Variants in COL12A1 observed in about 807,000 individuals in gnomAD.
COL12A1 encodes the protein collagen alpha-1(XII) chain.
In COL12A1, 114 loss-of-function variants were observed where a neutral mutation model predicts 349.7. That is an observed-to-expected ratio of 0.33 (90% CI 0.28 to 0.38). COL12A1 has a LOEUF of 0.38. Ranked by LOEUF, COL12A1 falls within the 10% of genes least tolerant of loss-of-function variation. The pLI, the probability that COL12A1 is intolerant of heterozygous loss-of-function variation, is 1.00. For missense variants in COL12A1, 3,284 were observed against 3,756.9 expected, an observed-to-expected ratio of 0.87 and a Z score of 3.29; for synonymous variants, 1,369 against 1,329.0, an observed-to-expected ratio of 1.03 and a Z score of -0.66.
At chr6:75,100,923 G>C (rs1249721680) in intron 58 of COL12A1, among the ~76,000 whole-genome samples, 4 of 152,078 alleles carry the variant, frequency 2.6e-5, no homozygotes, top group Non-Finnish European at 5.9e-5. Context: ...AAAATTTCTG[G>C]GTTCTTTTTA....
intron 49 of COL12A1, among the ~76,000 whole-genome samples, chr6:75,114,146 G>T (rs1473599691): frequency 6.6e-6 from 1 of 151,694 alleles, no homozygotes; most frequent in Non-Finnish European, 1.5e-5. Flanking sequence ...ATCATTTAAA[G>T]AGAATGAATC....
chr6:75,128,341 A>C lies in COL12A1; in HGVS notation c.6295T>G (p.Tyr2099Asp), dbSNP rs1366474005. Reference protein sequence around the residue: ...TPYKITVIAVYEDGDGGHLTG... With the variant: ...TPYKITVIAVDEDGDGGHLTG... ...AGATGGCCACCATCTCCATCTTCAT[A>C]AACAGCAATAACAGTAATTTTATAT... Residue 2099 changes from tyrosine to aspartate, a missense_variant, in exon 38 of 66, where the codon TAT becomes GAT. By Grantham distance (160) the Tyr-to-Asp change is radical (BLOSUM62 -3). Around this residue, in one of 2 missense-constraint regions of COL12A1, gnomAD observed 2,601 missense variants for 2,824.8 expected, o/e 0.92. Transcript: ENST00000322507. 3 of 1,608,004 alleles carry C rather than the reference A, an allele frequency of 1.9e-6. No individual in the cohort carries two copies. The East Asian group carries it at 6.7e-5, about 36-fold the overall frequency.
intron 34 of COL12A1, 62 bp downstream of exon 34, chr6:75,133,231 G>A: frequency 7.0e-7 from 1 of 1,425,766 alleles, no homozygotes; most frequent in Non-Finnish European, 9.3e-7. Context: ...GGGCCTTTAT[G>A]GTCTTTATAA....
intron 59 of COL12A1, among the ~76,000 whole-genome samples, chr6:75,096,088 CCT>C (rs1370014204): frequency 6.6e-6 from 1 of 152,136 alleles, no homozygotes; most frequent in Non-Finnish European, 1.5e-5. Flanking sequence ...AGATTTTCTC[CCT>C]GTTGCTTTTA....
chr6:75,126,367 T>G lies in COL12A1; in HGVS notation c.6444A>C (p.Ile2148=), dbSNP rs36002196. ...PSPSPVLGYK[I]VYKPVGSNEP... ...CTTCCTTACCCACTGGCTTATATAC[T>G]ATTTTATATCCAAGAACTGGAGAAG... Residue 2148 remains isoleucine, a synonymous_variant, in exon 39 of 66, where the codon ATA becomes ATC. Coordinates refer to ENST00000322507, the MANE Select transcript of COL12A1 (RefSeq NM_004370.6). 2.5e-6 allele frequency: 4 copies of G among 1,610,306 alleles called. No individual in the cohort carries two copies. Among genetic ancestry groups the G allele is most frequent in the Admixed American group, 1.7e-5 (1 of 59,938 alleles).
At chr6:75,104,840 G>T (rs1768469690) in intron 54 of COL12A1, among the ~76,000 whole-genome samples, 1 of 152,170 alleles carries the variant, frequency 6.6e-6, no homozygotes, top group Non-Finnish European at 1.5e-5. Context: ...TCTTGGGTCA[G>T]CCTCTCAGCT....
Position 75,085,752 on chromosome 6 carries a change from T to G in COL12A1, c.*795A>C, listed in dbSNP as rs1767457747. The G allele has an allele frequency of 4.7e-6, 1 of 212,274 alleles. No homozygotes were observed. Among genetic ancestry groups the G allele is most frequent in the Admixed American group, 5.2e-5 (1 of 19,400 alleles). The allele number at this position is 212,274 out of a possible 1,614,324, so 13.1% of individuals were successfully genotyped here. ...GAAAGATGAGGAGGTGAGGGGAAGT[T>G]TCATTGGCTCCTAGAAACTGAACTC... On this transcript the variant is annotated 3_prime_UTR_variant, in exon 66 of 66. Coordinates refer to ENST00000322507, the MANE Select transcript of COL12A1 (RefSeq NM_004370.6).
At chr6:75,154,569 A>G in intron 16 of COL12A1, 32 bp from the exon 17 acceptor site, 1 of 1,570,768 alleles carries the variant, frequency 6.4e-7, no homozygotes, top group Non-Finnish European at 8.6e-7. Flanking sequence ...ATAGCCTGTG[A>G]GAACCATAGG....
chr6:75,192,475 G>A, intron 3 of COL12A1, 120 bp from the exon 4 acceptor site: 1 of 861,342 alleles, frequency 1.2e-6, no homozygotes, highest in African/African-American at 1.8e-5. Context: ...ATTTTTTCAG[G>A]ACACTCAAAC....
chr6:75,133,903 C>T lies in COL12A1; in HGVS notation c.5619G>A (p.Gln1873=), dbSNP rs781347611. The T allele has an allele frequency of 2.5e-6, 4 of 1,614,096 alleles. No homozygotes were observed. The South Asian group carries it at 3.3e-5, about 13-fold the overall frequency. Residue 1873 remains glutamine, a synonymous_variant, in exon 33 of 66, where the codon CAG becomes CAA. Coordinates refer to ENST00000322507, the MANE Select transcript of COL12A1 (RefSeq NM_004370.6). ...CTGCTGGTGCATAGAAGAGCTTGTA[C>T]TGACGAGGATTTCCCTCTGCATGGT... The part of the protein sequence containing the change: ...RWDHAEGNPR[Q]YKLFYAPAAG...
chr6:75,099,978 C>G (rs1292509240), intron 58 of COL12A1, among the ~76,000 whole-genome samples: 4 of 152,188 alleles, frequency 2.6e-5, no homozygotes, highest in Admixed American at 2.0e-4. Context: ...TACTCAAAGT[C>G]TCTCTAATGT....
intron 22 of COL12A1, 47 bp downstream of exon 22, chr6:75,148,311 C>T (rs1003376302): frequency 3.8e-6 from 6 of 1,579,560 alleles, no homozygotes; most frequent in Non-Finnish European, 5.2e-6. Flanking sequence ...TGAGGAGGAC[C>T]CAATCTCAAC....
rs1463102517 is a variant in COL12A1, at chr6:75,138,981, G to T, written c.4958-20C>A. The T allele has an allele frequency of 6.2e-7, 1 of 1,612,042 alleles. No individual in the cohort carries two copies. The highest frequency in any genetic ancestry group is 1.7e-5 in the Admixed American group (1 of 59,578). On this transcript the variant is annotated intron_variant, in intron 27 of 65. Coordinates refer to ENST00000322507, the MANE Select transcript of COL12A1 (RefSeq NM_004370.6). ...CGGGTCCTATCATGAGAAAAGGCAA[G>T]CAGACTAAGTTTTTGAATGTGAGCT...
At chr6:75,168,088 T>G (rs987399393) in intron 13 of COL12A1, among the ~76,000 whole-genome samples, 2 of 152,046 alleles carry the variant, frequency 1.3e-5, no homozygotes, top group South Asian at 2.1e-4. Context: ...CAACATAGAC[T>G]CCAAAGAAAG....
rs1767704859 is a variant in COL12A1 at position 75,090,423 on chromosome 6, C to T, written c.8753-125G>A. ...TCTGCAACCCCTCTAAGGAAACAAT[C>T]TAATTAGAATCCTAAAAATAAAATT... On this transcript the variant is annotated intron_variant, in intron 62 of 65. Transcript: ENST00000322507. The surrounding 1 kb of genome is among the most constrained non-coding windows in gnomAD (Gnocchi z 4.1). 2.3e-6 allele frequency: 2 copies of T among 880,862 alleles called. No individual in the cohort carries two copies. Among genetic ancestry groups the T allele is most frequent in the East Asian group, 2.6e-5 (1 of 38,374 alleles). The allele number at this position is 880,862 out of a possible 1,614,324, so 54.6% of individuals were successfully genotyped here.
chr6:75,183,791 T>C, intron 9 of COL12A1, 63 bp downstream of exon 9: 1 of 1,581,166 alleles, frequency 6.3e-7, no homozygotes, highest in South Asian at 1.2e-5. Context: ...TCCAAACAAG[T>C]AAGGCATTCT....
chr6:75,148,886 A>G (rs993844256), intron 21 of COL12A1, among the ~76,000 whole-genome samples: 1 of 152,174 alleles, frequency 6.6e-6, no homozygotes, highest in Non-Finnish European at 1.5e-5. Flanking sequence ...AGGGACCCAC[A>G]GGGAGATAAT....
At position 75,151,129 on chromosome 6, in the gene COL12A1, G is replaced by A. The variant is rs1767459438; in HGVS notation, c.4147+12C>T. 2 of 1,564,498 alleles carry A rather than the reference G, an allele frequency of 1.3e-6. No homozygotes were observed. The highest frequency in any genetic ancestry group is 1.7e-4 in the Middle Eastern group (1 of 5,880). ...GCAGTGCTGAGGGAGAGAAACTCTG[G>A]GTTAAACTTACCTGGACCTTTGACA... is the stretch of plus-strand genomic sequence containing the variant. On this transcript the variant is annotated intron_variant, in intron 21 of 65. Transcript: ENST00000322507.
At chr6:75,142,539 C>T (rs916760967) in intron 26 of COL12A1, among the ~76,000 whole-genome samples, 6 of 152,172 alleles carry the variant, frequency 3.9e-5, no homozygotes, top group Non-Finnish European at 8.8e-5. Flanking sequence ...GGCCATTGTA[C>T]CCCTTTTAAA....
Sources: allele counts gnomAD v4.1 joint callset (sites outside exome capture counted in the v4.1 genomes callset), GRCh38; gene constraint gnomAD v4.1.1; regional missense constraint gnomAD v4.1.1; non-coding constraint Gnocchi (gnomAD v3.1); transcripts MANE v1.5; gene names NCBI Gene and HGNC (gene_info 2026-07-23, HGNC 2026-07-21).